PPP1R18: variants seen among roughly 807,000 people sequenced by gnomAD.
The protein encoded by PPP1R18 is phostensin.
Under a neutral mutation model 54.8 loss-of-function variants are expected in PPP1R18, and 31 were observed. The ratio of observed to expected loss-of-function variants is 0.57; its 90% CI spans 0.43 to 0.76. The LOEUF (loss-of-function observed/expected upper bound fraction) is 0.76. PPP1R18 is among the 30% of genes least tolerant of loss of function. The probability of loss-of-function intolerance (pLI) is 0.00; values close to 1 mark genes in which losing one functional copy is unlikely to be tolerated. For synonymous variants in PPP1R18, 310 were observed against 320.2 expected (o/e 0.97, Z 0.34); for missense variants, 685 against 776.1 (o/e 0.88, Z 1.39).
In PPP1R18 at chr6:30,679,210, C is replaced by G. The variant is rs778657483; in HGVS notation, c.1791G>C (p.Gln597His). The G allele has an allele frequency of 1.3e-6, 2 of 1,586,818 alleles. No homozygotes were observed. The highest frequency in any genetic ancestry group is 2.2e-5 in the South Asian group (2 of 88,926). The change falls in exon 2 of 3, where the codon CAG becomes CAC. Residue 597 changes from glutamine to histidine, a missense_variant. Gln to His is a conservative substitution (Grantham distance 24). Transcript: ENST00000274853. ...EELLLLQPELQGGLRTKALIV... is the reference protein window; with the variant it reads ...EELLLLQPELHGGLRTKALIV... ...TCAGGGCCTTGGTGCGCAGCCCGCC[C>G]TGGAGCTCTGGCTGCAGCAGCAGCA... is the stretch of plus-strand genomic sequence containing the variant.
At position 30,683,236 on chromosome 6, in the gene PPP1R18, G is replaced by A. The variant is rs1212736707; in HGVS notation, c.1611+1172C>T. Among the ~76,000 whole-genome samples the A allele has an allele frequency of 1.3e-5, 2 of 152,218 alleles. No individual in the cohort carries two copies. The highest frequency in any genetic ancestry group is 2.9e-5 in the Non-Finnish European group (2 of 68,038). On this transcript the variant is annotated intron_variant, in intron 1 of 2. Transcript: ENST00000274853. This position sits in a 1 kb window ranked among gnomAD's most constrained non-coding sequence, Gnocchi z 5.1. ...TGAGACTGGGCTTCCCAGGCTCTGG[G>A]GAGATGTGTGTGACTGGAGGGACTT...
chr6:30,685,598 CTCT>C lies in PPP1R18; in HGVS notation c.418_420del (p.Arg140del), dbSNP rs1197834203. The C allele has an allele frequency of 6.2e-7, 1 of 1,612,932 alleles. No individual in the cohort carries two copies. Among genetic ancestry groups the C allele is most frequent in the East Asian group, 2.2e-5 (1 of 44,890 alleles). On this transcript the variant is annotated inframe_deletion, in exon 1 of 3. Coordinates refer to ENST00000274853, the MANE Select transcript of PPP1R18 (RefSeq NM_133471.4). This position sits in a 1 kb window ranked among gnomAD's most constrained non-coding sequence, Gnocchi z 5.0. ...GTCTCCCTCGGACTTAGTCTCTCTT[CTCT>C]TGACTCTCTTCCCTTGGGGCTCTGA...
rs201144834 is a variant in PPP1R18 at position 30,684,803 on chromosome 6, C to G, written c.1216G>C (p.Glu406Gln). Residue 406 changes from glutamate (E) to glutamine (Q), a missense_variant, in exon 1 of 3, where the codon GAG (glutamate) becomes CAG (glutamine). Coordinates refer to ENST00000274853, the MANE Select transcript of PPP1R18 (RefSeq NM_133471.4). The surrounding 1 kb of genome is among the most constrained non-coding windows in gnomAD (Gnocchi z 6.0). ...CCSVPSPLPP[E>Q]DAGTGGLRQQ... ...CTCAGGCCTCCAGTCCCAGCGTCCTCTGGTGGGAGGGGGGAGGGCACAGAG... is the reference window on the plus strand; with the variant it reads ...CTCAGGCCTCCAGTCCCAGCGTCCTGTGGTGGGAGGGGGGAGGGCACAGAG... The G allele has an allele frequency of 4.0e-4, 644 of 1,609,720 alleles. No homozygotes were observed. Among genetic ancestry groups the G allele is most frequent in the Non-Finnish European group, 5.2e-4 (607 of 1,178,348 alleles).
chr6:30,682,414 TAGCCTGCA>T (rs1411650262), intron 1 of PPP1R18, among the ~76,000 whole-genome samples: 1 of 152,110 alleles, frequency 6.6e-6, no homozygotes, highest in Non-Finnish European at 1.5e-5. Flanking sequence ...TTGATGGAAT[TAGCCTGCA>T]AACGAGTTAT....
In PPP1R18 at chr6:30,684,270, G is replaced by A. The variant is rs999305843; in HGVS notation, c.1611+138C>T. On this transcript the variant is annotated intron_variant, in intron 1 of 2. Coordinates refer to ENST00000274853, the MANE Select transcript of PPP1R18 (RefSeq NM_133471.4). This position sits in a 1 kb window ranked among gnomAD's most constrained non-coding sequence, Gnocchi z 6.0. ...AGAAGGAAGGGTGTATGTGCAGAGCGAGGAAGGGTGGTGGCAGGAATTAAC... is the reference window on the plus strand; with the variant it reads ...AGAAGGAAGGGTGTATGTGCAGAGCAAGGAAGGGTGGTGGCAGGAATTAAC... 2.6e-5 allele frequency: 22 copies of A among 843,502 alleles called. No homozygotes were observed. Among genetic ancestry groups the A allele is most frequent in the Admixed American group, 3.4e-5 (1 of 29,822 alleles). The allele number at this position is 843,502 out of a possible 1,614,324, so 52.3% of individuals were successfully genotyped here.
chr6:30,679,157 GGCCGGCGGAGCCTCC>G lies in PPP1R18; in HGVS notation c.1822+7_1822+21del. ...GCTCTGACAGCAGGGGGCGCCCTCG[GGCCGGCGGAGCCTCC>G]GCTTACCCACAATCAGGGCCTTGGT... On this transcript the variant is annotated splice_region_variant and intron_variant, in intron 2 of 2. Coordinates refer to ENST00000274853, the MANE Select transcript of PPP1R18 (RefSeq NM_133471.4). 1 of 1,591,978 alleles carries G rather than the reference GGCCGGCGGAGCCTCC, an allele frequency of 6.3e-7. No homozygotes were observed. The highest frequency in any genetic ancestry group is 1.1e-5 in the South Asian group (1 of 90,392).
Position 30,685,988 on chromosome 6 carries a change from G to A in PPP1R18, c.31C>T (p.Leu11=), listed in dbSNP as rs1770905849. Residue 11 remains leucine (L), a synonymous_variant, in exon 1 of 3, where the codon CTG becomes TTG. Coordinates refer to ENST00000274853, the MANE Select transcript of PPP1R18 (RefSeq NM_133471.4). The surrounding 1 kb of genome is among the most constrained non-coding windows in gnomAD (Gnocchi z 5.0). ...TCCTCCTGCCGGCGCCGGGCTAGCA[G>A]CTGTAGCTTCCAGTCTGGGATGGTG... MATIPDWKLQ[L]LARRRQEEAS... 6.3e-7 allele frequency: 1 copy of A among 1,588,110 alleles called. No homozygotes were observed. The highest frequency in any genetic ancestry group is 1.3e-5 in the African/African-American group (1 of 74,484).
chr6:30,684,807 T>A lies in PPP1R18; in HGVS notation c.1212A>T (p.Pro404=), dbSNP rs952871415. 6.2e-6 allele frequency: 10 copies of A among 1,600,600 alleles called. No individual in the cohort carries two copies. The highest frequency in any genetic ancestry group is 1.4e-5 in the African/African-American group (1 of 71,914). ...GGCCTCCAGTCCCAGCGTCCTCTGGTGGGAGGGGGGAGGGCACAGAGCAGC... is the reference window on the plus strand; with the variant it reads ...GGCCTCCAGTCCCAGCGTCCTCTGGAGGGAGGGGGGAGGGCACAGAGCAGC... ...QNCCSVPSPL[P]PEDAGTGGLR... Residue 404 remains proline, a synonymous_variant, in exon 1 of 3, where the codon CCA becomes CCT. Coordinates refer to ENST00000274853, the MANE Select transcript of PPP1R18 (RefSeq NM_133471.4). This position sits in a 1 kb window ranked among gnomAD's most constrained non-coding sequence, Gnocchi z 6.0.
intron 1 of PPP1R18, among the ~76,000 whole-genome samples, chr6:30,682,613 C>T (rs1441570696): frequency 6.6e-6 from 1 of 151,876 alleles, no homozygotes. Context: ...TCCTCCCCAC[C>T]CCCACCCAAG....
intron 1 of PPP1R18, among the ~76,000 whole-genome samples, chr6:30,682,551 G>A (rs755860349): frequency 2.0e-5 from 3 of 152,064 alleles, no homozygotes; most frequent in South Asian, 2.1e-4. Context: ...TTGCTGACAG[G>A]GGGTAGAGGG....
In PPP1R18 at chr6:30,678,312, C is replaced by T. The variant is rs149606349; in HGVS notation, c.1822+867G>A. On this transcript the variant is annotated intron_variant, in intron 2 of 2. Coordinates refer to ENST00000274853, the MANE Select transcript of PPP1R18 (RefSeq NM_133471.4). ...GCAGCCTCCAACTCCTGAGGTCAAA[C>T]GATGCTCCCACCTCAGCCTTCCAAG... Among the ~76,000 whole-genome samples the T allele has an allele frequency of 1.7e-3, 257 of 151,934 alleles. 6 individuals carry two copies. In the South Asian group the frequency reaches 0.044, roughly 26 times the overall value.
chr6:30,679,350 A>G lies in PPP1R18; in HGVS notation c.1651T>C (p.Tyr551His), dbSNP rs1265921737. The change falls in exon 2 of 3, where the codon TAC (tyrosine) becomes CAC (histidine). Residue 551 changes from tyrosine to histidine, a missense_variant. Coordinates refer to ENST00000274853, the MANE Select transcript of PPP1R18 (RefSeq NM_133471.4). ...SFSETALETT[Y>H]QYPSESSVLE... The stretch of plus-strand genomic sequence containing the variant: ...ACCGAACTCTCGGAGGGGTATTGGT[A>G]CGTGGTCTCCAGGGCTGTCTCGCTG... 1 of 1,573,580 alleles carries G rather than the reference A, an allele frequency of 6.4e-7. No individual in the cohort carries two copies. Among genetic ancestry groups the G allele is most frequent in the Non-Finnish European group, 8.6e-7 (1 of 1,161,402 alleles).
At position 30,685,085 on chromosome 6, in the gene PPP1R18, C is replaced by T; in HGVS notation, c.934G>A (p.Glu312Lys). The change falls in exon 1 of 3, where the codon GAG becomes AAG. Residue 312 changes from glutamate to lysine, a missense_variant. Glu to Lys is a moderately conservative substitution (Grantham distance 56, BLOSUM62 1). Transcript: ENST00000274853. The surrounding 1 kb of genome is among the most constrained non-coding windows in gnomAD (Gnocchi z 5.0). ...EAQGNSSAGV[E>K]AAEQRPVEDG... is the part of the protein sequence containing the mutation. ...TCCACAGGCCTCTGCTCTGCTGCCT[C>T]CACTCCTGCGGAACTGTTGCCTTGG... The T allele has an allele frequency of 6.2e-7, 1 of 1,613,260 alleles. No individual in the cohort carries two copies. Among genetic ancestry groups the T allele is most frequent in the Non-Finnish European group, 8.5e-7 (1 of 1,180,016 alleles).
rs1374319409 is a variant in PPP1R18, at chr6:30,683,323, CAGAT to C, written c.1611+1081_1611+1084del. 2.0e-5 allele frequency among the ~76,000 whole-genome samples: 3 copies of C among 152,172 alleles called. No homozygotes were observed. Among genetic ancestry groups the C allele is most frequent in the Non-Finnish European group, 4.4e-5 (3 of 68,024 alleles). Reference sequence around the variant, plus strand: ...TCCCTAGAGATTTTCAAGCTGGAAACAGATGGATGTGCACAGGGAAGAAGTGAGG... The same window carrying C: ...TCCCTAGAGATTTTCAAGCTGGAAACGGATGTGCACAGGGAAGAAGTGAGG... On this transcript the variant is annotated intron_variant, in intron 1 of 2. Coordinates refer to ENST00000274853, the MANE Select transcript of PPP1R18 (RefSeq NM_133471.4). This position sits in a 1 kb window ranked among gnomAD's most constrained non-coding sequence, Gnocchi z 5.1.
Position 30,684,912 on chromosome 6 carries a change from G to A in PPP1R18, c.1107C>T (p.Pro369=), listed in dbSNP as rs762488055. 15 of 1,612,870 alleles carry A rather than the reference G, an allele frequency of 9.3e-6. No homozygotes were observed. The highest frequency in any genetic ancestry group is 1.3e-5 in the African/African-American group (1 of 74,908). Residue 369 remains proline (P), a synonymous_variant, in exon 1 of 3, where the codon CCC becomes CCT. Coordinates refer to ENST00000274853, the MANE Select transcript of PPP1R18 (RefSeq NM_133471.4). The surrounding 1 kb of genome is among the most constrained non-coding windows in gnomAD (Gnocchi z 6.0). ...CCTCCCCTTCTCCAGCCTCCACACCGGGAGATTCCAGAAGCTTCTCTGCTG... is the reference window on the plus strand; with the variant it reads ...CCTCCCCTTCTCCAGCCTCCACACCAGGAGATTCCAGAAGCTTCTCTGCTG... The part of the protein sequence containing the change: ...PESAEKLLES[P]GVEAGEGEAE...
Position 30,685,924 on chromosome 6 carries a change from C to G in PPP1R18, c.95G>C (p.Arg32Pro). ...VRGREKAERE[R>P]LSQMPAWKRG... The stretch of plus-strand genomic sequence containing the variant: ...TTTCCAGGCTGGCATCTGGGACAGG[C>G]GCTCCCGTTCTGCTTTCTCTCGGCC... Residue 32 changes from arginine (R) to proline (P), a missense_variant, in exon 1 of 3, where the codon CGC becomes CCC. By Grantham distance (103) the Arg-to-Pro change is moderately radical (BLOSUM62 -2). Transcript: ENST00000274853. The surrounding 1 kb of genome is among the most constrained non-coding windows in gnomAD (Gnocchi z 5.0). 1 of 1,608,790 alleles carries G rather than the reference C, an allele frequency of 6.2e-7. No individual in the cohort carries two copies. The highest frequency in any genetic ancestry group is 1.3e-5 in the African/African-American group (1 of 75,044).
At chr6:30,680,444 A>G (rs1350469686) in intron 1 of PPP1R18, among the ~76,000 whole-genome samples, 1 of 152,166 alleles carries the variant, frequency 6.6e-6, no homozygotes, top group Non-Finnish European at 1.5e-5. Context: ...ACTTGGGGTC[A>G]GCCGTACATC....
intron 1 of PPP1R18, among the ~76,000 whole-genome samples, chr6:30,679,734 A>G (rs1035625268): frequency 9.2e-5 from 14 of 152,192 alleles, no homozygotes; most frequent in Admixed American, 5.2e-4. Context: ...TGGGAGGCAG[A>G]GGGGTAAAAA....
chr6:30,684,310 G>A lies in PPP1R18; in HGVS notation c.1611+98C>T. On this transcript the variant is annotated intron_variant, in intron 1 of 2. Coordinates refer to ENST00000274853, the MANE Select transcript of PPP1R18 (RefSeq NM_133471.4). The surrounding 1 kb of genome is among the most constrained non-coding windows in gnomAD (Gnocchi z 6.0). ...CAGGAATTAACAAGAAAGAATAGAGGAAGACAAGAAAACAGGGGTATAAAA... is the reference window on the plus strand; with the variant it reads ...CAGGAATTAACAAGAAAGAATAGAGAAAGACAAGAAAACAGGGGTATAAAA... 2.4e-6 allele frequency: 3 copies of A among 1,225,270 alleles called. No homozygotes were observed. The highest frequency in any genetic ancestry group is 3.4e-6 in the Non-Finnish European group (3 of 887,470). The allele number at this position is 1,225,270 out of a possible 1,614,324, so 75.9% of individuals were successfully genotyped here.
Sources: gnomAD v4.1 joint callset for allele counts (sites outside exome capture counted in the v4.1 genomes callset) on GRCh38, gnomAD v4.1.1 for gene constraint, Gnocchi (gnomAD v3.1) non-coding constraint, MANE v1.5 for transcripts, NCBI Gene and HGNC (gene_info 2026-07-23, HGNC 2026-07-21) for gene names.